The following PTPN21 variants were observed in gnomAD, a reference collection of about 807,000 sequenced individuals.
PTPN21 encodes tyrosine-protein phosphatase non-receptor type 21.
PTPN21 carries 77 observed loss-of-function variants against 131.8 expected under a neutral mutation model. The ratio of observed to expected loss-of-function variants is 0.58; its 90% confidence interval spans 0.49 to 0.71. The LOEUF (loss-of-function observed/expected upper bound fraction) is 0.71. Among genes scored for constraint, PTPN21 ranks in the 30% least tolerant of loss-of-function variants. PTPN21 has a pLI of 0.00. For missense variants in PTPN21, 1,552 were observed against 1,527.1 expected (o/e 1.02, Z -0.27); for synonymous variants, 715 against 621.3 (o/e 1.15, Z -2.24).
chr14:88,484,135 C>A (rs541228431), intron 12 of PTPN21, among the ~76,000 whole-genome samples: 1 of 151,970 alleles, frequency 6.6e-6, no homozygotes, highest in Non-Finnish European at 1.5e-5. Context: ...CCTCCACCCC[C>A]ACCTTGGGCT....
chr14:88,553,955 G>GA (rs1367388709), intron 1 of PTPN21, among the ~76,000 whole-genome samples: 1 of 152,140 alleles, frequency 6.6e-6, no homozygotes, highest in African/African-American at 2.4e-5. Flanking sequence ...TCTGTGCGTA[G>GA]ATGCTCCAGA....
chr14:88,498,354 C>G (rs1394018999), intron 8 of PTPN21, among the ~76,000 whole-genome samples: 1 of 150,654 alleles, frequency 6.6e-6, no homozygotes, highest in African/African-American at 2.4e-5. Context: ...ATTGAAGTAA[C>G]AGCAGCTAGT....
intron 2 of PTPN21, among the ~76,000 whole-genome samples, chr14:88,534,407 G>C (rs751585588): frequency 6.6e-6 from 1 of 151,444 alleles, no homozygotes; most frequent in Non-Finnish European, 1.5e-5. Flanking sequence ...AGTTTAAAAA[G>C]TAAAAAACAA....
intron 2 of PTPN21, among the ~76,000 whole-genome samples, chr14:88,545,330 C>A (rs928755472): frequency 6.6e-6 from 1 of 152,150 alleles, no homozygotes; most frequent in Non-Finnish European, 1.5e-5. Context: ...TGGTTTTACA[C>A]ATCATTTTTA....
At chr14:88,510,838 T>C (rs1470253191) in intron 3 of PTPN21, among the ~76,000 whole-genome samples, 1 of 152,218 alleles carries the variant, frequency 6.6e-6, no homozygotes, top group East Asian at 1.9e-4. Context: ...TATGTTATTG[T>C]ATTATCCCTC....
intron 15 of PTPN21, 80 bp from the exon 16 acceptor site, chr14:88,470,130 TAAA>T: frequency 7.0e-7 from 1 of 1,434,740 alleles, no homozygotes; most frequent in Non-Finnish European, 9.5e-7. Flanking sequence ...ATGGTAGTAC[TAAA>T]AAAGTTTTTT....
chr14:88,498,531 T>C (rs2077959875), intron 8 of PTPN21, among the ~76,000 whole-genome samples: 1 of 152,194 alleles, frequency 6.6e-6, no homozygotes, highest in Non-Finnish European at 1.5e-5. Context: ...ATTATAACAA[T>C]GCCAGAAATT....
At position 88,512,542 on chromosome 14, in the gene PTPN21, T is replaced by TC. The variant is rs2078201490; in HGVS notation, c.351-4523_351-4522insG. 2.0e-5 allele frequency: 3 copies of TC among 152,216 alleles called. No homozygotes were observed. The South Asian group carries it at 6.2e-4, about 31-fold the overall frequency. The allele number at this position is 152,216 out of a possible 1,614,324, so 9.4% of individuals were successfully genotyped here. On this transcript the variant is annotated intron_variant, in intron 3 of 18. Coordinates refer to ENST00000556564, the MANE Select transcript of PTPN21 (RefSeq NM_007039.4). ...CTGGACTTTTCTGATTGTAGTCTCA[T>TC]GGGGTCATTTGGCAAGTTTACATGT...
intron 10 of PTPN21, among the ~76,000 whole-genome samples, chr14:88,491,697 T>C (rs1273666060): frequency 1.3e-5 from 2 of 152,170 alleles, no homozygotes; most frequent in East Asian, 1.9e-4. Context: ...CAATGAAATA[T>C]ATTAGTTCCC....
chr14:88,484,047 GTTT>G (rs57042782), intron 12 of PTPN21, among the ~76,000 whole-genome samples: 1 of 143,674 alleles, frequency 7.0e-6, no homozygotes. Flanking sequence ...ATTCTAAGGT[GTTT>G]TTTTTTTTTT....
rs1208951709 is a variant in PTPN21, at chr14:88,465,788, AG to A, written c.*2348del. On this transcript the variant is annotated 3_prime_UTR_variant, in exon 19 of 19. Coordinates refer to ENST00000556564, the MANE Select transcript of PTPN21 (RefSeq NM_007039.4). ...TATTTCAAAGCTCAGTAATGTGGAT[AG>A]ATTTTTATTCAGAAATCCTTTCATA... is the stretch of plus-strand genomic sequence containing the variant. The A allele has an allele frequency of 3.3e-5, 5 of 152,220 alleles. No homozygotes were observed. Among genetic ancestry groups the A allele is most frequent in the Admixed American group, 2.6e-4 (4 of 15,290 alleles). 9.4% of individuals were successfully genotyped at this position (152,220 alleles called of 1,614,324 possible).
At chr14:88,520,022 G>A (rs976944248) in intron 2 of PTPN21, among the ~76,000 whole-genome samples, 1 of 152,108 alleles carries the variant, frequency 6.6e-6, no homozygotes, top group African/African-American at 2.4e-5. Flanking sequence ...GCCCTAAAAA[G>A]CTATTAATCT....
intron 6 of PTPN21, 48 bp from the exon 7 acceptor site, chr14:88,501,416 G>T (rs1233012349): frequency 1.3e-6 from 2 of 1,488,178 alleles, no homozygotes; most frequent in Non-Finnish European, 1.9e-6. Context: ...GCTTAAAATG[G>T]TTTAAAATAA....
rs3825676 is a variant in PTPN21 at position 88,479,063 on chromosome 14, C to A, written c.2368G>T (p.Gly790Trp). The part of the protein sequence containing the change: ...TAEAQRPWRD[G>W]LLMPSMSESD... ...TCCGACATGGAGGGCATCAGCAGCC[C>A]GTCTCTCCAGGGCCGCTGGGCCTCT... The change falls in exon 13 of 19, where the codon GGG becomes TGG. Residue 790 changes from glycine to tryptophan, a missense_variant. Coordinates refer to ENST00000556564, the MANE Select transcript of PTPN21 (RefSeq NM_007039.4). 11 of 1,606,434 alleles carry A rather than the reference C, an allele frequency of 6.8e-6. No homozygotes were observed. Among genetic ancestry groups the A allele is most frequent in the African/African-American group, 1.3e-5 (1 of 74,318 alleles).
Position 88,468,160 on chromosome 14 carries a change from G to C in PTPN21, c.3502C>G (p.Leu1168Val), listed in dbSNP as rs1484954871. The part of the protein sequence containing the change: ...TFVYRVLIQF[L>V]KSSRLI ...GCTTAGATGAGCCTGGAGCTTTTCA[G>C]GAACTGGATGAGGACTCTGTACACA... is the stretch of plus-strand genomic sequence containing the variant. Residue 1168 changes from leucine (L) to valine (V), a missense_variant, in exon 19 of 19, where the codon CTG becomes GTG. Physicochemically the swap from Leu to Val is conservative, Grantham distance 32. Coordinates refer to ENST00000556564, the MANE Select transcript of PTPN21 (RefSeq NM_007039.4). The C allele has an allele frequency of 2.5e-6, 4 of 1,613,838 alleles. No homozygotes were observed. The Admixed American group carries it at 6.7e-5, about 27-fold the overall frequency.
intron 10 of PTPN21, among the ~76,000 whole-genome samples, chr14:88,488,397 C>G (rs530058662): frequency 1.3e-5 from 2 of 152,186 alleles, no homozygotes; most frequent in Non-Finnish European, 2.9e-5. Context: ...ACTACAAAAG[C>G]GTGTACCTGC....
chr14:88,485,859 C>T lies in PTPN21; in HGVS notation c.933-17G>A, dbSNP rs1237906115. 1 of 1,542,080 alleles carries T rather than the reference C, an allele frequency of 6.5e-7. No homozygotes were observed. The highest frequency in any genetic ancestry group is 9.0e-7 in the Non-Finnish European group (1 of 1,117,228). On this transcript the variant is annotated splice_polypyrimidine_tract_variant and intron_variant, in intron 10 of 18. Coordinates refer to ENST00000556564, the MANE Select transcript of PTPN21 (RefSeq NM_007039.4). ...TGAGTTTGCCTATAAAATAGGATGA[C>T]TCTGAGAAGAGCACATACACACTCT...
intron 2 of PTPN21, among the ~76,000 whole-genome samples, chr14:88,525,163 C>A (rs1160252830): frequency 6.6e-6 from 1 of 151,982 alleles, no homozygotes; most frequent in Non-Finnish European, 1.5e-5. Flanking sequence ...TCACTTTAAC[C>A]CCAACAGATC....
At chr14:88,490,078 G>GCATTTGCAGGGA (rs2077800525) in intron 10 of PTPN21, among the ~76,000 whole-genome samples, 1 of 150,998 alleles carries the variant, frequency 6.6e-6, no homozygotes, top group Non-Finnish European at 1.5e-5. Context: ...GTGCGATCCT[G>GCATTTGCAGGGA]GCTCACTGCA....
Sources: allele counts gnomAD v4.1 joint callset (sites outside exome capture counted in the v4.1 genomes callset), GRCh38; gene constraint gnomAD v4.1.1; transcripts MANE v1.5; gene names NCBI Gene and HGNC (gene_info 2026-07-23, HGNC 2026-07-21).